The following ABCG2 variants were observed in gnomAD, a reference collection of about 807,000 sequenced individuals.
ABCG2 encodes the protein broad substrate specificity ATP-binding cassette transporter ABCG2.
ABCG2 carries 80 observed loss-of-function variants against 73.5 expected under a neutral mutation model. That is an observed-to-expected ratio of 1.09 (90% CI 0.91 to 1.31). ABCG2 has a LOEUF of 1.31. Ranked by LOEUF, ABCG2 falls within the 50% of genes most tolerant of loss-of-function variation. The pLI is 0.00. For synonymous variants in ABCG2, 269 were observed against 282.4 expected (o/e 0.95, Z 0.48); for missense variants, 796 against 786.2 (o/e 1.01, Z -0.15).
chr4:88,130,977 A>C, intron 5 of ABCG2, 84 bp downstream of exon 5: 3 of 1,490,408 alleles, frequency 2.0e-6, no homozygotes, highest in Non-Finnish European at 2.7e-6. Context: ...ACATTACAGG[A>C]AACTTCTGAA....
At chr4:88,135,560 C>A (rs1300129414) in intron 2 of ABCG2, among the ~76,000 whole-genome samples, 1 of 150,542 alleles carries the variant, frequency 6.6e-6, no homozygotes, top group African/African-American at 2.4e-5. Flanking sequence ...AATCACCACG[C>A]CCGGGCCCTC....
intron 1 of ABCG2, among the ~76,000 whole-genome samples, chr4:88,226,207 AT>A (rs1483073607): frequency 6.6e-6 from 1 of 152,208 alleles, no homozygotes; most frequent in Non-Finnish European, 1.5e-5. Flanking sequence ...AGCAAGAGAC[AT>A]TTCTAAAATG....
intron 2 of ABCG2, among the ~76,000 whole-genome samples, chr4:88,136,411 G>T (rs189693709): frequency 2.6e-5 from 4 of 152,246 alleles, no homozygotes; most frequent in Admixed American, 2.0e-4. Context: ...CTGAGGCAGG[G>T]TAAGTACACA....
intron 1 of ABCG2, among the ~76,000 whole-genome samples, chr4:88,191,192 C>G (rs540724794): frequency 7.2e-6 from 1 of 139,066 alleles, no homozygotes; most frequent in South Asian, 2.7e-4. Flanking sequence ...TGCACTGGCG[C>G]GATTTTGGCT....
chr4:88,228,720 G>A (rs529729521), intron 1 of ABCG2, among the ~76,000 whole-genome samples: 9 of 152,088 alleles, frequency 5.9e-5, no homozygotes, highest in African/African-American at 2.4e-5. Context: ...GATTGTAAAC[G>A]CACCAATCAG....
At chr4:88,201,446 T>C (rs1560753415) in intron 1 of ABCG2, among the ~76,000 whole-genome samples, 1 of 152,132 alleles carries the variant, frequency 6.6e-6, no homozygotes, top group Non-Finnish European at 1.5e-5. Context: ...ACACACAAAT[T>C]AGACAATCTG....
At chr4:88,154,731 T>C (rs1012116127) in intron 1 of ABCG2, among the ~76,000 whole-genome samples, 1 of 151,856 alleles carries the variant, frequency 6.6e-6, no homozygotes, top group Non-Finnish European at 1.5e-5. Context: ...CCAGGAACAA[T>C]GGTAATTGTG....
intron 1 of ABCG2, among the ~76,000 whole-genome samples, chr4:88,223,078 C>T (rs1209502260): frequency 6.6e-6 from 1 of 152,148 alleles, no homozygotes; most frequent in African/African-American, 2.4e-5. Flanking sequence ...GGTGTATTTG[C>T]CCAATGCCAT....
rs1578230040 is a variant in ABCG2, at chr4:88,148,220, T to C, written c.-19-8206A>G. Among the ~76,000 whole-genome samples, 4 of 152,210 alleles carry C rather than the reference T, an allele frequency of 2.6e-5. No homozygotes were observed. The East Asian group carries it at 7.7e-4, about 29-fold the overall frequency. On this transcript the variant is annotated intron_variant, in intron 1 of 15. Transcript: ENST00000237612. ...CTATACACTGGTTCCACAGGGCTGC[T>C]TGTGGGACTTGAGTATGCAGGGATT...
chr4:88,188,884 A>G (rs761357014), intron 1 of ABCG2, among the ~76,000 whole-genome samples: 1 of 151,982 alleles, frequency 6.6e-6, no homozygotes, highest in Non-Finnish European at 1.5e-5. Context: ...TTGGTGGTGC[A>G]CGCCTGTAAT....
chr4:88,169,025 G>A (rs1461100997), intron 1 of ABCG2, among the ~76,000 whole-genome samples: 1 of 149,496 alleles, frequency 6.7e-6, no homozygotes, highest in African/African-American at 2.5e-5. Flanking sequence ...GTTTAAAACT[G>A]TATATAAATG....
intron 1 of ABCG2, among the ~76,000 whole-genome samples, chr4:88,203,822 A>G (rs865796625): frequency 2.5e-4 from 38 of 152,100 alleles, no homozygotes; most frequent in African/African-American, 8.9e-4. Context: ...TGAGAAGGCA[A>G]AAGGCAACTA....
intron 1 of ABCG2, among the ~76,000 whole-genome samples, chr4:88,148,752 A>G (rs1726230491): frequency 6.6e-6 from 1 of 152,226 alleles, no homozygotes; most frequent in South Asian, 2.1e-4. Flanking sequence ...AACAGGAAAC[A>G]GTATTGTAAA....
chr4:88,225,722 G>A (rs1192040551), intron 1 of ABCG2, among the ~76,000 whole-genome samples: 1 of 152,116 alleles, frequency 6.6e-6, no homozygotes, highest in African/African-American at 2.4e-5. Flanking sequence ...CTGCCTTAGT[G>A]TATTAGTCCA....
intron 5 of ABCG2, among the ~76,000 whole-genome samples, chr4:88,130,639 T>G (rs1724785750): frequency 6.6e-6 from 1 of 152,110 alleles, no homozygotes; most frequent in Non-Finnish European, 1.5e-5. Context: ...CCTTGGACTC[T>G]CATCACTTAT....
chr4:88,195,207 A>G (rs1188590811), intron 1 of ABCG2, among the ~76,000 whole-genome samples: 2 of 152,190 alleles, frequency 1.3e-5, no homozygotes, highest in Non-Finnish European at 2.9e-5. Context: ...GCACTCCAGC[A>G]TGGGAAACAG....
At chr4:88,136,581 C>T (rs897185598) in intron 2 of ABCG2, among the ~76,000 whole-genome samples, 39 of 152,138 alleles carry the variant, frequency 2.6e-4, no homozygotes, top group Admixed American at 2.2e-3. Flanking sequence ...TGGCATGTGC[C>T]GGTGGTCCCA....
Position 88,113,437 on chromosome 4 carries a change from C to G in ABCG2, c.1060G>C (p.Gly354Arg). The G allele has an allele frequency of 1.2e-6, 2 of 1,613,996 alleles. No individual in the cohort carries two copies. Among genetic ancestry groups the G allele is most frequent in the Non-Finnish European group, 1.7e-6 (2 of 1,179,994 alleles). ...ETKAELHQLS[G>R]GEKKKKITVF... ...GTGATCTTCTTCTTCTTCTCACCCC[C>G]GGAAAGTTGATGTAATTCAGCTTTT... The change falls in exon 9 of 16, where the codon GGG (glycine) becomes CGG (arginine). Residue 354 changes from glycine to arginine, a missense_variant. Coordinates refer to ENST00000237612, the MANE Select transcript of ABCG2 (RefSeq NM_004827.3).
At chr4:88,129,864 T>C (rs1724723582) in intron 5 of ABCG2, among the ~76,000 whole-genome samples, 1 of 152,204 alleles carries the variant, frequency 6.6e-6, no homozygotes. Flanking sequence ...ATGTCATTTT[T>C]TTCTTCACGA....
Sources: gnomAD v4.1 joint callset for allele counts (sites outside exome capture counted in the v4.1 genomes callset) on GRCh38, gnomAD v4.1.1 for gene constraint, MANE v1.5 for transcripts, NCBI Gene and HGNC (gene_info 2026-07-23, HGNC 2026-07-21) for gene names.